Variants in PPP2R5C observed in about 807,000 individuals in gnomAD.
PPP2R5C encodes protein phosphatase 2 regulatory subunit B'gamma.
A neutral mutation model predicts 68.9 loss-of-function variants in PPP2R5C; 7 were observed. The observed-to-expected ratio is 0.10, with a 90% CI of 0.06 to 0.19. The LOEUF is 0.19. Ranked by LOEUF, PPP2R5C falls within the 10% of genes least tolerant of loss-of-function variation. PPP2R5C has a pLI of 1.00. For missense variants in PPP2R5C, 348 were observed against 641.3 expected (o/e 0.54, Z 4.94); for synonymous variants, 210 against 222.2 (o/e 0.95, Z 0.49).
intron 6 of PPP2R5C, 66 bp from the exon 9 acceptor site, chr14:101,892,934 G>T: frequency 8.1e-7 from 1 of 1,232,040 alleles, no homozygotes; most frequent in South Asian, 1.3e-5. Context: ...ATTGAAAGAC[G>T]GCAAGATATT....
intron 2 of PPP2R5C, chr14:101,766,704 A>C (rs1183682254): frequency 6.6e-6 from 1 of 152,240 alleles, no homozygotes; most frequent in East Asian, 1.9e-4. Context: ...GATTTATTTC[A>C]TAGGAAGTCT....
At chr14:101,779,746 T>C (rs1247350815) in intron 2 of PPP2R5C, among the ~76,000 whole-genome samples, 1 of 152,056 alleles carries the variant, frequency 6.6e-6, no homozygotes, top group Non-Finnish European at 1.5e-5. Flanking sequence ...AGGGGAATGG[T>C]CTGATGGACC....
chr14:101,833,042 T>C (rs761055570), intron 1 of PPP2R5C, among the ~76,000 whole-genome samples: 1 of 152,236 alleles, frequency 6.6e-6, no homozygotes, highest in Non-Finnish European at 1.5e-5. Context: ...GAATCAGTCA[T>C]GTCCACACTG....
At chr14:101,809,655 C>A (rs1046128977), upstream of PPP2R5C, 2 of 265,276 alleles carry the variant, frequency 7.5e-6, no homozygotes, top group Middle Eastern at 1.4e-3. Flanking sequence ...GAGATGGGAT[C>A]TTTGCCTAAA....
intron 2 of PPP2R5C, among the ~76,000 whole-genome samples, chr14:101,772,359 T>C (rs1158589071): frequency 6.6e-6 from 1 of 152,012 alleles, no homozygotes; most frequent in Non-Finnish European, 1.5e-5. Flanking sequence ...CGAGAAAGAC[T>C]CCATTGCCCA....
At chr14:101,876,819 G>A (rs1346721840) in intron 2 of PPP2R5C, among the ~76,000 whole-genome samples, 1 of 152,142 alleles carries the variant, frequency 6.6e-6, no homozygotes, top group Non-Finnish European at 1.5e-5. Context: ...GAAACGTTTG[G>A]GAAGTGCTGT....
intron 2 of PPP2R5C, among the ~76,000 whole-genome samples, chr14:101,874,766 G>C (rs1404735631): frequency 1.3e-5 from 2 of 151,952 alleles, no homozygotes; most frequent in African/African-American, 2.4e-5. Context: ...TTGAGACAGA[G>C]TCTTGCTCTG....
chr14:101,835,887 C>G lies in PPP2R5C; in HGVS notation c.95-20799C>G, dbSNP rs933376303. 1.3e-5 allele frequency among the ~76,000 whole-genome samples: 2 copies of G among 152,200 alleles called. No individual in the cohort carries two copies. Among genetic ancestry groups the G allele is most frequent in the African/African-American group, 4.8e-5 (2 of 41,452 alleles). ...TCTGTAGACCTCTGTCCTTGTCTATCTAATGGGGATGATGGTAGCCCCTCT... is the reference window on the plus strand; with the variant it reads ...TCTGTAGACCTCTGTCCTTGTCTATGTAATGGGGATGATGGTAGCCCCTCT... On this transcript the variant is annotated intron_variant, in intron 1 of 13. Coordinates refer to ENST00000334743, the Ensembl canonical transcript of PPP2R5C. The surrounding 1 kb of genome is among the most constrained non-coding windows in gnomAD (Gnocchi z 5.0).
intron 3 of PPP2R5C, among the ~76,000 whole-genome samples, chr14:101,788,619 C>G (rs572514041): frequency 4.5e-4 from 68 of 152,290 alleles, no homozygotes; most frequent in Non-Finnish European, 8.1e-4. Context: ...CACTTTTCCC[C>G]AAAATGGTAA....
At chr14:101,761,053 GAGGGGAGTGGAGGGAGAGGAGGGA>G (rs925117287), upstream of PPP2R5C, among the ~76,000 whole-genome samples, 1 of 134,432 alleles carries the variant, frequency 7.4e-6, no homozygotes, top group Non-Finnish European at 1.6e-5. Context: ...GGACGGAGGG[GAGGGGAGTGGAGGGAGAGGAGGGA>G]AGGGGAGGGG....
intron 8 of PPP2R5C, among the ~76,000 whole-genome samples, chr14:101,896,554 C>G (rs1218401245): frequency 7.1e-6 from 1 of 141,056 alleles, no homozygotes; most frequent in East Asian, 2.1e-4. Context: ...GGCAATATGG[C>G]AAAATCCCAT....
chr14:101,910,886 T>C (rs1470811689), intron 11 of PPP2R5C, among the ~76,000 whole-genome samples: 1 of 151,696 alleles, frequency 6.6e-6, no homozygotes, highest in Non-Finnish European at 1.5e-5. Context: ...GCAGATCACC[T>C]GAGGTCAGGA....
chr14:101,843,397 G>T, intron 1 of PPP2R5C: 1 of 225,050 alleles, frequency 4.4e-6, no homozygotes. Context: ...TTTTCTTAAA[G>T]AGACTTCCTG....
chr14:101,790,377 C>T (rs181936194), intron 3 of PPP2R5C, among the ~76,000 whole-genome samples: 3 of 152,280 alleles, frequency 2.0e-5, no homozygotes, highest in African/African-American at 7.2e-5. Flanking sequence ...AGAATGTTTC[C>T]ATCTGCCTCC....
chr14:101,924,228 T>C (rs1034899695), intron 13 of PPP2R5C, among the ~76,000 whole-genome samples: 4 of 152,108 alleles, frequency 2.6e-5, no homozygotes, highest in Non-Finnish European at 5.9e-5. Context: ...CCAAATTAAG[T>C]TTCCCTTTTA....
chr14:101,806,231 A>G (rs529846682), upstream of PPP2R5C, among the ~76,000 whole-genome samples: 30 of 152,070 alleles, frequency 2.0e-4, no homozygotes, highest in Admixed American at 1.8e-3. Context: ...CATGCATTAG[A>G]TATTTGTCCA....
intron 1 of PPP2R5C, chr14:101,844,155 T>G (rs1230900716): frequency 6.6e-6 from 1 of 152,010 alleles, no homozygotes; most frequent in African/African-American, 2.4e-5. Context: ...TTTTTTTTTT[T>G]TTTGAGTTGA....
Position 101,925,342 on chromosome 14 carries a change from C to G in PPP2R5C, c.*70C>G. ...GGATTCTGTAGAAAATACATACTTC[C>G]TGTGCCATACCAATCAGTTACACTC... On this transcript the variant is annotated 3_prime_UTR_variant, in exon 14 of 14. Transcript: ENST00000334743. 7.6e-6 allele frequency: 12 copies of G among 1,576,778 alleles called. No homozygotes were observed. In the Middle Eastern group the frequency reaches 5.6e-4, roughly 74 times the overall value.
chr14:101,831,023 C>T (rs2040702358), intron 1 of PPP2R5C, among the ~76,000 whole-genome samples: 1 of 152,146 alleles, frequency 6.6e-6, no homozygotes, highest in African/African-American at 2.4e-5. Context: ...CCTGTTATAG[C>T]TGGTGGAAAA....
Sources: gnomAD v4.1 joint callset for allele counts (sites outside exome capture counted in the v4.1 genomes callset) on GRCh38, gnomAD v4.1.1 for gene constraint, Gnocchi (gnomAD v3.1) non-coding constraint, MANE v1.5 for transcripts, NCBI Gene and HGNC (gene_info 2026-07-23, HGNC 2026-07-21) for gene names.